Variants in FOXO3 observed in about 807,000 individuals in gnomAD.
FOXO3 encodes forkhead box O3.
In FOXO3, 4 loss-of-function variants were observed where a neutral mutation model predicts 41.9. That is an observed-to-expected ratio of 0.10 (90% CI 0.05 to 0.22). The LOEUF is 0.22. FOXO3 is among the 10% of genes least tolerant of loss of function. The probability of loss-of-function intolerance (pLI) is 1.00; values close to 1 mark genes in which losing one functional copy is unlikely to be tolerated. For missense variants in FOXO3, 534 were observed against 906.8 expected (o/e 0.59, Z 5.28); for synonymous variants, 318 against 389.3 (o/e 0.82, Z 2.16).
chr6:108,641,380 T>C (rs1378026107), intron 1 of FOXO3, among the ~76,000 whole-genome samples: 1 of 152,172 alleles, frequency 6.6e-6, no homozygotes, highest in East Asian at 1.9e-4. Flanking sequence ...ATTTGGCACA[T>C]TGAATGTTGA....
intron 1 of FOXO3, among the ~76,000 whole-genome samples, chr6:108,635,211 G>A (rs1476810725): frequency 2.6e-5 from 4 of 152,046 alleles, no homozygotes; most frequent in Admixed American, 2.6e-4. Flanking sequence ...TGAGGCATGA[G>A]AATTTCTTGA....
At chr6:108,596,901 C>CT (rs1008787342) in intron 1 of FOXO3, among the ~76,000 whole-genome samples, 53 of 150,746 alleles carry the variant, frequency 3.5e-4, no homozygotes, top group African/African-American at 1.0e-3. Flanking sequence ...TTTCTTTTTT[C>CT]TTTTTTTTAA....
chr6:108,658,615 G>T (rs949614682), intron 1 of FOXO3, among the ~76,000 whole-genome samples: 1 of 150,086 alleles, frequency 6.7e-6, no homozygotes, highest in African/African-American at 2.5e-5. Context: ...TGGAGATGGG[G>T]TTTCGCCACG....
chr6:108,570,426 T>C (rs1776066750), intron 1 of FOXO3, among the ~76,000 whole-genome samples: 1 of 152,158 alleles, frequency 6.6e-6, no homozygotes, highest in South Asian at 2.1e-4. Context: ...TGTAGAGAGC[T>C]ATGATCCTCC....
chr6:108,657,401 C>T (rs1778718341), intron 1 of FOXO3, among the ~76,000 whole-genome samples: 1 of 152,162 alleles, frequency 6.6e-6, no homozygotes, highest in Non-Finnish European at 1.5e-5. Flanking sequence ...TTCTTAGCTT[C>T]TTTAGTGAGT....
At chr6:108,610,455 T>C (rs920843218) in intron 1 of FOXO3, among the ~76,000 whole-genome samples, 1 of 152,202 alleles carries the variant, frequency 6.6e-6, no homozygotes, top group Non-Finnish European at 1.5e-5. Flanking sequence ...ACCGCTTAGC[T>C]TCATGGGCTG....
At chr6:108,602,141 T>G (rs1777071220) in intron 1 of FOXO3, among the ~76,000 whole-genome samples, 1 of 152,226 alleles carries the variant, frequency 6.6e-6, no homozygotes, top group African/African-American at 2.4e-5. Flanking sequence ...TAAATATCAC[T>G]GATGAAAATA....
chr6:108,627,788 G>C (rs1359989163), intron 1 of FOXO3, among the ~76,000 whole-genome samples: 1 of 152,088 alleles, frequency 6.6e-6, no homozygotes, highest in Non-Finnish European at 1.5e-5. Flanking sequence ...AGCCATCCTA[G>C]GCTGCGGGTT....
intron 1 of FOXO3, among the ~76,000 whole-genome samples, chr6:108,662,956 T>A (rs1322590214): frequency 6.6e-6 from 1 of 152,172 alleles, no homozygotes; most frequent in African/African-American, 2.4e-5. Flanking sequence ...TCATCTCCCT[T>A]CCCCCTAGAT....
At chr6:108,636,974 A>T (rs1778137566) in intron 1 of FOXO3, among the ~76,000 whole-genome samples, 1 of 152,198 alleles carries the variant, frequency 6.6e-6, no homozygotes, top group Non-Finnish European at 1.5e-5. Flanking sequence ...ATGGACCTGC[A>T]GATCTTTCTG....
chr6:108,642,826 T>C (rs1413567624), intron 1 of FOXO3, among the ~76,000 whole-genome samples: 2 of 152,188 alleles, frequency 1.3e-5, no homozygotes, highest in Non-Finnish European at 2.9e-5. Flanking sequence ...GGACAGTTGC[T>C]GGGAGAGTCA....
chr6:108,626,821 G>A (rs551199379), intron 1 of FOXO3, among the ~76,000 whole-genome samples: 1 of 152,316 alleles, frequency 6.6e-6, no homozygotes, highest in African/African-American at 2.4e-5. Context: ...TAAAACCAGG[G>A]TATTTTCCTA....
At chr6:108,657,198 T>C (rs982862216) in intron 1 of FOXO3, among the ~76,000 whole-genome samples, 7 of 152,220 alleles carry the variant, frequency 4.6e-5, no homozygotes, top group African/African-American at 1.7e-4. Flanking sequence ...GCACTCTCTT[T>C]AGACACATTG....
At position 108,664,217 on chromosome 6, in the gene FOXO3, A is replaced by G. The variant is rs1212600923; in HGVS notation, c.1384A>G (p.Met462Val). 3.7e-6 allele frequency: 6 copies of G among 1,611,382 alleles called. No homozygotes were observed. Among genetic ancestry groups the G allele is most frequent in the Middle Eastern group, 1.7e-4 (1 of 6,054 alleles). ...GAACAAGCCAGCTACCTTCTCTTCC[A>G]TGTCACACTATGGTAACCAGACACT... is the stretch of plus-strand genomic sequence containing the variant. The part of the protein sequence containing the change: ...QENKPATFSS[M>V]SHYGNQTLQD... Residue 462 changes from methionine (M) to valine (V), a missense_variant, in exon 2 of 3, where the codon ATG becomes GTG. This residue lies in a region of FOXO3 where 16 missense variants were observed against 46.1 expected (regional missense o/e 0.35). Transcript: ENST00000406360.
At chr6:108,632,572 T>C (rs1484836078) in intron 1 of FOXO3, among the ~76,000 whole-genome samples, 1 of 152,186 alleles carries the variant, frequency 6.6e-6, no homozygotes, top group Non-Finnish European at 1.5e-5. Flanking sequence ...TGGGTCAGGA[T>C]GGGACCTGCG....
intron 2 of FOXO3, among the ~76,000 whole-genome samples, chr6:108,674,082 T>A (rs544560748): frequency 1.3e-5 from 2 of 152,340 alleles, no homozygotes; most frequent in South Asian, 4.1e-4. Flanking sequence ...TGATTTCATC[T>A]GTAAGAAATA....
intron 1 of FOXO3, among the ~76,000 whole-genome samples, chr6:108,649,628 C>T (rs1460290679): frequency 2.7e-5 from 4 of 150,854 alleles, no homozygotes; most frequent in South Asian, 2.1e-4. Context: ...AGGCTCAAGC[C>T]GTTTGTCTGC....
chr6:108,578,104 A>G (rs904734638), intron 1 of FOXO3, among the ~76,000 whole-genome samples: 2 of 152,244 alleles, frequency 1.3e-5, no homozygotes, highest in South Asian at 2.1e-4. Flanking sequence ...AGATTCCACC[A>G]TATCCTGATG....
chr6:108,664,127 A>G lies in FOXO3; in HGVS notation c.1294A>G (p.Ser432Gly), dbSNP rs1424789342. 2 of 1,613,994 alleles carry G rather than the reference A, an allele frequency of 1.2e-6. No homozygotes were observed. Among genetic ancestry groups the G allele is most frequent in the Non-Finnish European group, 1.7e-6 (2 of 1,180,040 alleles). ...GLGSPTSSFN[S>G]TVFGPSSLNS... ...GGGCTCCCCAACCAGCTCCTTTAAC[A>G]GCACGGTGTTCGGACCTTCATCTCT... Residue 432 changes from serine to glycine, a missense_variant, in exon 2 of 3, where the codon AGC becomes GGC. Transcript: ENST00000406360.
Sources: gnomAD v4.1 joint callset for allele counts (sites outside exome capture counted in the v4.1 genomes callset) on GRCh38, gnomAD v4.1.1 for gene constraint, gnomAD v4.1.1 regional missense constraint, MANE v1.5 for transcripts, NCBI Gene and HGNC (gene_info 2026-07-23, HGNC 2026-07-21) for gene names.